Variants in CDK14 observed in about 807,000 individuals in gnomAD.
CDK14 encodes the protein cyclin dependent kinase 14, also known as cyclin-dependent kinase 14.
In CDK14, 34 loss-of-function variants were observed where a neutral mutation model predicts 60.7. The observed-to-expected ratio is 0.56, with a 90% CI of 0.43 to 0.75. The LOEUF is 0.75. Among genes scored for constraint, CDK14 ranks in the 30% least tolerant of loss-of-function variants. CDK14 has a pLI of 0.00. For synonymous variants in CDK14, 197 were observed against 203.7 expected (o/e 0.97, Z 0.28); for missense variants, 482 against 564.1 (o/e 0.85, Z 1.47).
At position 90,701,433 on chromosome 7, in the gene CDK14, A is replaced by G. The variant is rs149313626; in HGVS notation, c.124-25134A>G. Among the ~76,000 whole-genome samples, 554 of 152,320 alleles carry G rather than the reference A, an allele frequency of 3.6e-3. 9 individuals carry two copies. Among genetic ancestry groups the G allele is most frequent in the African/African-American group, 0.013 (534 of 41,572 alleles). ...TTATAAGAATAAAAATGTTAATATAATAATACTCAATTTAGTACAAATTTT... is the reference window on the plus strand; with the variant it reads ...TTATAAGAATAAAAATGTTAATATAGTAATACTCAATTTAGTACAAATTTT... On this transcript the variant is annotated intron_variant, in intron 2 of 14. Coordinates refer to ENST00000380050, the MANE Select transcript of CDK14 (RefSeq NM_001287135.2).
intron 10 of CDK14, among the ~76,000 whole-genome samples, chr7:91,037,164 A>T (rs553696644): frequency 1.3e-5 from 2 of 152,356 alleles, no homozygotes; most frequent in South Asian, 2.1e-4. Context: ...GTTTATAGCT[A>T]TCACATTTTC....
intron 9 of CDK14, among the ~76,000 whole-genome samples, chr7:90,965,026 A>G (rs952824629): frequency 8.5e-5 from 13 of 152,278 alleles, no homozygotes; most frequent in Admixed American, 6.5e-5. Context: ...CAGCAAATCT[A>G]TCAGTTCCAT....
intron 8 of CDK14, among the ~76,000 whole-genome samples, chr7:90,926,649 G>C (rs1383561900): frequency 6.6e-6 from 1 of 151,932 alleles, no homozygotes; most frequent in Non-Finnish European, 1.5e-5. Flanking sequence ...TAACTTTTTG[G>C]GTTATTTCCC....
chr7:90,936,899 T>A (rs1336528732), intron 8 of CDK14, among the ~76,000 whole-genome samples: 1 of 152,022 alleles, frequency 6.6e-6, no homozygotes, highest in Non-Finnish European at 1.5e-5. Flanking sequence ...GGTAATGTAG[T>A]GATACTCTAT....
chr7:90,972,436 C>G (rs56232961), intron 9 of CDK14, among the ~76,000 whole-genome samples: 36,548 of 152,170 alleles, frequency 0.24, 4,632 homozygotes, highest in Middle Eastern at 0.31. Flanking sequence ...AGAAAAAGGT[C>G]ACTTTTTAAT....
At position 90,863,156 on chromosome 7, in the gene CDK14, T is replaced by C; in HGVS notation, c.545-19T>C. On this transcript the variant is annotated intron_variant, in intron 5 of 14. Transcript: ENST00000380050. ...TGTTATCCACGATAAATTGTTTCTC[T>C]GTCCATTTTGTTTTACAGCTTCTCT... 4 of 1,386,656 alleles carry C rather than the reference T, an allele frequency of 2.9e-6. No individual in the cohort carries two copies. The highest frequency in any genetic ancestry group is 2.4e-5 in the South Asian group (2 of 82,112). The allele number at this position is 1,386,656 out of a possible 1,614,324, so 85.9% of individuals were successfully genotyped here.
chr7:90,930,553 T>TG (rs1200904568), intron 8 of CDK14, among the ~76,000 whole-genome samples: 1 of 147,470 alleles, frequency 6.8e-6, no homozygotes, highest in Non-Finnish European at 1.5e-5. Flanking sequence ...TTTTTTTTTT[T>TG]GGTCAAGCTC....
chr7:91,000,754 C>G (rs145112365), intron 10 of CDK14, among the ~76,000 whole-genome samples: 16 of 152,298 alleles, frequency 1.1e-4, no homozygotes, highest in Non-Finnish European at 1.8e-4. Context: ...TAAGTGAGGT[C>G]TTCACATTTA....
Position 90,837,718 on chromosome 7 carries a change from G to A in CDK14, c.545-25457G>A, listed in dbSNP as rs569585214. ...GTTCTTCTTTGCTTTTTTTACTACT[G>A]GATTCTGCCTTCTTGACTCTGACTT... On this transcript the variant is annotated intron_variant, in intron 5 of 14. Transcript: ENST00000380050. Among the ~76,000 whole-genome samples the A allele has an allele frequency of 2.0e-5, 3 of 152,160 alleles. 1 individual carries two copies. The South Asian group carries it at 6.2e-4, about 32-fold the overall frequency.
At chr7:90,760,018 T>G (rs1804252606) in intron 4 of CDK14, among the ~76,000 whole-genome samples, 1 of 152,192 alleles carries the variant, frequency 6.6e-6, no homozygotes, top group African/African-American at 2.4e-5. Context: ...AGGAATTTGC[T>G]CACTTTATGT....
intron 14 of CDK14, among the ~76,000 whole-genome samples, chr7:91,182,603 T>C (rs1802039505): frequency 6.6e-6 from 1 of 151,986 alleles, no homozygotes; most frequent in African/African-American, 2.4e-5. Context: ...GGATAGAAGG[T>C]AGACTTTATA....
intron 5 of CDK14, among the ~76,000 whole-genome samples, chr7:90,854,620 A>G (rs1260531582): frequency 6.6e-6 from 1 of 152,180 alleles, no homozygotes; most frequent in Non-Finnish European, 1.5e-5. Flanking sequence ...TCTTAACCAG[A>G]AAACATAAGG....
rs144318290 is a variant in CDK14 at position 90,762,405 on chromosome 7, A to C, written c.464+14630A>C. On this transcript the variant is annotated intron_variant, in intron 4 of 14. Transcript: ENST00000380050. ...TGTGAATTTTTGCTCTCTCTGGGAT[A>C]GGGTCCTCTCCTTTCCTCCTACTGA... 7.3e-4 allele frequency among the ~76,000 whole-genome samples: 111 copies of C among 152,274 alleles called. 2 individuals are homozygous for C. In the East Asian group the frequency reaches 0.016, roughly 22 times the overall value.
rs773234122 is a variant in CDK14 at position 91,080,853 on chromosome 7, T to C, written c.1154+1373T>C. 2.3e-4 allele frequency among the ~76,000 whole-genome samples: 35 copies of C among 152,298 alleles called. No individual in the cohort carries two copies. The Middle Eastern group carries it at 0.014, about 59-fold the overall frequency. On this transcript the variant is annotated intron_variant, in intron 12 of 14. Transcript: ENST00000380050. ...CATAGCAGCATTTCTGGAGAATAGG[T>C]AATTAGAATTACAGAATTACAGAAT...
chr7:90,668,522 A>G (rs1016542093), intron 2 of CDK14, among the ~76,000 whole-genome samples: 7 of 151,792 alleles, frequency 4.6e-5, no homozygotes, highest in Non-Finnish European at 7.4e-5. Flanking sequence ...ATTATGTCCA[A>G]TTTGTCTATT....
chr7:91,081,605 A>C (rs1254695299), intron 12 of CDK14, among the ~76,000 whole-genome samples: 1 of 152,176 alleles, frequency 6.6e-6, no homozygotes, highest in African/African-American at 2.4e-5. Flanking sequence ...TAACCTGCCT[A>C]AGAGAGTAGG....
At chr7:91,192,060 C>T (rs1048710508) in intron 14 of CDK14, among the ~76,000 whole-genome samples, 1 of 152,138 alleles carries the variant, frequency 6.6e-6, no homozygotes, top group Non-Finnish European at 1.5e-5. Flanking sequence ...GCTACCAAAC[C>T]CTCTCACAGA....
At chr7:90,745,644 G>C (rs1803562623) in intron 3 of CDK14, among the ~76,000 whole-genome samples, 1 of 152,134 alleles carries the variant, frequency 6.6e-6, no homozygotes, top group Non-Finnish European at 1.5e-5. Flanking sequence ...TCGATCTCTT[G>C]ACCTCGTTAT....
At chr7:90,958,484 G>A (rs886899155) in intron 9 of CDK14, among the ~76,000 whole-genome samples, 1 of 152,074 alleles carries the variant, frequency 6.6e-6, no homozygotes, top group Non-Finnish European at 1.5e-5. Flanking sequence ...TCATTAAGGG[G>A]CTGAGCTAAT....
Sources: gnomAD v4.1 joint callset for allele counts (sites outside exome capture counted in the v4.1 genomes callset) on GRCh38, gnomAD v4.1.1 for gene constraint, MANE v1.5 for transcripts, NCBI Gene and HGNC (gene_info 2026-07-23, HGNC 2026-07-21) for gene names.